FAM124A: variants seen among roughly 807,000 people sequenced by gnomAD.
FAM124A encodes protein FAM124A.
In FAM124A, 23 loss-of-function variants were observed where a neutral mutation model predicts 24.5. The observed-to-expected ratio is 0.94, with a 90% CI of 0.68 to 1.33. The LOEUF (loss-of-function observed/expected upper bound fraction) is 1.33, where lower values mean the gene tolerates loss of function less well. Ranked by LOEUF, FAM124A falls within the 40% of genes most tolerant of loss-of-function variation. The pLI, the probability that FAM124A is intolerant of heterozygous loss-of-function variation, is 0.00. For synonymous variants in FAM124A, 287 were observed against 314.7 expected (o/e 0.91, Z 0.93); for missense variants, 623 against 722.8 (o/e 0.86, Z 1.58).
intron 2 of FAM124A, among the ~76,000 whole-genome samples, chr13:51,238,946 G>A (rs1348385240): frequency 2.0e-5 from 3 of 152,186 alleles, no homozygotes; most frequent in African/African-American, 7.2e-5. Flanking sequence ...AAAATATGGT[G>A]TAGTCCTTCT....
rs778049276 is a variant in FAM124A at position 51,280,756 on chromosome 13, T to A, written c.1141T>A (p.Trp381Arg). ...PSLASSAEPQ[W>R]FSNTGAPGHR... The stretch of plus-strand genomic sequence containing the variant: ...CCTGGCCTCCTCAGCTGAACCACAG[T>A]GGTTTTCAAACACAGGTGCCCCAGG... Residue 381 changes from tryptophan (W) to arginine (R), a missense_variant, in exon 4 of 4, where the codon TGG becomes AGG. Physicochemically the swap from Trp to Arg is moderately radical, Grantham distance 101. Transcript: ENST00000322475. 6.2e-7 allele frequency: 1 copy of A among 1,614,158 alleles called. No homozygotes were observed. Among genetic ancestry groups the A allele is most frequent in the South Asian group, 1.1e-5 (1 of 91,086 alleles).
chr13:51,239,326 G>A (rs1218485318), intron 2 of FAM124A, among the ~76,000 whole-genome samples: 1 of 152,114 alleles, frequency 6.6e-6, no homozygotes, highest in Non-Finnish European at 1.5e-5. Context: ...ACATAATTTG[G>A]TGTCTGCCTT....
intron 1 of FAM124A, among the ~76,000 whole-genome samples, chr13:51,223,137 C>A (rs963550576): frequency 1.3e-5 from 2 of 152,066 alleles, no homozygotes; most frequent in Admixed American, 6.5e-5. Flanking sequence ...CAGCTGGACC[C>A]TTTGGCCTGT....
chr13:51,276,308 T>A (rs1297274084), intron 3 of FAM124A, among the ~76,000 whole-genome samples: 1 of 152,180 alleles, frequency 6.6e-6, no homozygotes, highest in Non-Finnish European at 1.5e-5. Flanking sequence ...TAAGTACTTT[T>A]ACCCTGAATT....
intron 3 of FAM124A, 34 bp from the exon 4 acceptor site, chr13:51,280,416 C>T (rs750798010): frequency 2.0e-6 from 3 of 1,519,944 alleles, no homozygotes; most frequent in Non-Finnish European, 8.9e-7. Flanking sequence ...CAATTCCCAT[C>T]CTGCACTAAT....
intron 3 of FAM124A, among the ~76,000 whole-genome samples, chr13:51,259,230 C>T (rs531152803): frequency 6.6e-6 from 1 of 152,240 alleles, no homozygotes; most frequent in South Asian, 2.1e-4. Flanking sequence ...CTCATTTCTG[C>T]CCTGGGCTCC....
chr13:51,262,654 T>C (rs745310332), intron 3 of FAM124A, among the ~76,000 whole-genome samples: 2 of 152,206 alleles, frequency 1.3e-5, no homozygotes, highest in Non-Finnish European at 2.9e-5. Flanking sequence ...TTACGTTCAC[T>C]TTAAGGAACT....
In FAM124A at chr13:51,252,056, G is replaced by A; in HGVS notation, c.689G>A (p.Cys230Tyr). 1 of 1,614,070 alleles carries A rather than the reference G, an allele frequency of 6.2e-7. No individual in the cohort carries two copies. Among genetic ancestry groups the A allele is most frequent in the Non-Finnish European group, 8.5e-7 (1 of 1,180,010 alleles). The change falls in exon 3 of 4, where the codon TGC (cysteine) becomes TAC (tyrosine). Residue 230 changes from cysteine to tyrosine, a missense_variant. By Grantham distance (194) the Cys-to-Tyr change is radical. Transcript: ENST00000322475. ...CTGAAAAGACTGCCCTGTGACCAGT[G>A]CCCGGTGCCCACCGACTCCTCCGTG... is the stretch of plus-strand genomic sequence containing the variant. ...FSLKRLPCDQCPVPTDSSVLE... is the reference protein window; with the variant it reads ...FSLKRLPCDQYPVPTDSSVLE...
At chr13:51,259,624 G>A (rs1267115379) in intron 3 of FAM124A, among the ~76,000 whole-genome samples, 1 of 152,154 alleles carries the variant, frequency 6.6e-6, no homozygotes, top group African/African-American at 2.4e-5. Context: ...TCTTCCCGCA[G>A]TGAAACGCAG....
At chr13:51,247,114 A>C (rs1954572360) in intron 2 of FAM124A, among the ~76,000 whole-genome samples, 1 of 152,234 alleles carries the variant, frequency 6.6e-6, no homozygotes, top group African/African-American at 2.4e-5. Flanking sequence ...GTGGGTGTCC[A>C]AGAAATGAAG....
intron 2 of FAM124A, among the ~76,000 whole-genome samples, chr13:51,239,002 G>A (rs939407470): frequency 4.6e-5 from 7 of 152,048 alleles, no homozygotes; most frequent in Non-Finnish European, 8.8e-5. Context: ...CTCGACAGAG[G>A]GTGTTGATTT....
intron 2 of FAM124A, among the ~76,000 whole-genome samples, chr13:51,248,774 G>A (rs553926969): frequency 2.3e-4 from 35 of 152,262 alleles, no homozygotes; most frequent in Non-Finnish European, 4.4e-4. Flanking sequence ...GGGGAAATAC[G>A]CCACCCATTT....
At chr13:51,241,888 GA>G (rs1310138618) in intron 2 of FAM124A, among the ~76,000 whole-genome samples, 8 of 152,282 alleles carry the variant, frequency 5.3e-5, no homozygotes, top group African/African-American at 1.7e-4. Flanking sequence ...GCTTTTCTTA[GA>G]AGAGTTGCAA....
At position 51,264,597 on chromosome 13, in the gene FAM124A, T is replaced by C. The variant is rs954576015; in HGVS notation, c.834+12396T>C. On this transcript the variant is annotated intron_variant, in intron 3 of 3. Transcript: ENST00000322475. Reference sequence around the variant, plus strand: ...TATGATCGCGTCCGTGAATAGCCACTGCACTCCAGCCTGGACAACACAGCA... The same window carrying C: ...TATGATCGCGTCCGTGAATAGCCACCGCACTCCAGCCTGGACAACACAGCA... 2.0e-5 allele frequency among the ~76,000 whole-genome samples: 3 copies of C among 151,962 alleles called. No homozygotes were observed. In the South Asian group the frequency reaches 6.2e-4, roughly 31 times the overall value.
chr13:51,247,886 C>A (rs998157023), intron 2 of FAM124A, among the ~76,000 whole-genome samples: 1 of 152,104 alleles, frequency 6.6e-6, no homozygotes, highest in African/African-American at 2.4e-5. Context: ...TTCTGCCGAT[C>A]GTGTCATGAA....
At chr13:51,236,005 C>T (rs1954431250) in intron 2 of FAM124A, among the ~76,000 whole-genome samples, 1 of 152,164 alleles carries the variant, frequency 6.6e-6, no homozygotes, top group Non-Finnish European at 1.5e-5. Flanking sequence ...CATTTTGGCC[C>T]TACCTTCTTT....
At chr13:51,225,245 G>A (rs1954304436) in intron 1 of FAM124A, 1 of 152,168 alleles carries the variant, frequency 6.6e-6, no homozygotes, top group Non-Finnish European at 1.5e-5. Context: ...ATCAGCAGTT[G>A]GGTATATCTG....
intron 2 of FAM124A, chr13:51,245,348 T>A: frequency 1.4e-6 from 1 of 699,058 alleles, no homozygotes; most frequent in Non-Finnish European, 2.6e-6. Context: ...TGTTGCCTGT[T>A]CCTTTACTGT....
intron 2 of FAM124A, among the ~76,000 whole-genome samples, chr13:51,241,796 A>G (rs1243195533): frequency 2.0e-5 from 3 of 151,750 alleles, no homozygotes; most frequent in Non-Finnish European, 4.4e-5. Flanking sequence ...TGCTCGTTTG[A>G]TCATGAGCAA....
Sources: allele counts gnomAD v4.1 joint callset (sites outside exome capture counted in the v4.1 genomes callset), GRCh38; gene constraint gnomAD v4.1.1; transcripts MANE v1.5; gene names NCBI Gene and HGNC (gene_info 2026-07-23, HGNC 2026-07-21).